NALF1: variants seen among roughly 807,000 people sequenced by gnomAD.
NALF1 encodes NALCN channel auxiliary factor 1.
Under a neutral mutation model 48.4 loss-of-function variants are expected in NALF1, and 3 were observed. That is an observed-to-expected ratio of 0.06 (90% CI 0.03 to 0.16). The LOEUF (loss-of-function observed/expected upper bound fraction) is 0.16, where lower values mean the gene tolerates loss of function less well. Among genes scored for constraint, NALF1 ranks in the 10% least tolerant of loss-of-function variants. The pLI is 1.00. For synonymous variants in NALF1, 262 were observed against 245.7 expected (o/e 1.07, Z -0.62); for missense variants, 526 against 571.5 (o/e 0.92, Z 0.81).
intron 1 of NALF1, among the ~76,000 whole-genome samples, chr13:107,624,571 G>A (rs1361665436): frequency 2.6e-5 from 4 of 152,110 alleles, no homozygotes; most frequent in South Asian, 2.1e-4. Context: ...AAAGTAAAAC[G>A]TATCATTTTA....
intron 1 of NALF1, among the ~76,000 whole-genome samples, chr13:107,640,024 G>A (rs1050377245): frequency 2.0e-5 from 3 of 151,878 alleles, no homozygotes; most frequent in Admixed American, 6.6e-5. Context: ...ATAAGATAAG[G>A]GCAAATCTTA....
At chr13:107,776,619 T>C (rs777337457) in intron 1 of NALF1, among the ~76,000 whole-genome samples, 2 of 152,212 alleles carry the variant, frequency 1.3e-5, no homozygotes, top group Non-Finnish European at 2.9e-5. Flanking sequence ...TACTGTGTGC[T>C]AGAAATCATG....
chr13:107,458,423 G>T (rs1054803589), intron 1 of NALF1, among the ~76,000 whole-genome samples: 2 of 152,158 alleles, frequency 1.3e-5, no homozygotes, highest in African/African-American at 4.8e-5. Flanking sequence ...GCAGAGGCAG[G>T]GGCCGCCTGA....
intron 1 of NALF1, among the ~76,000 whole-genome samples, chr13:107,710,966 C>T (rs74891670): frequency 6.6e-6 from 1 of 151,666 alleles, no homozygotes; most frequent in Non-Finnish European, 1.5e-5. Flanking sequence ...AGTTATGTAT[C>T]GATGAGTCTT....
rs575212770 is a variant in NALF1 at position 107,190,896 on chromosome 13, T to TG, written c.1087+19687dup. ...GAGCAGAAAGGTAGAGTTTGGGGGATGGGGTGTAGCTTCATTTGAAGAGGA... is the reference window on the plus strand; with the variant it reads ...GAGCAGAAAGGTAGAGTTTGGGGGATGGGGGTGTAGCTTCATTTGAAGAGGA... On this transcript the variant is annotated intron_variant, in intron 2 of 2. Transcript: ENST00000375915. Among the ~76,000 whole-genome samples the TG allele has an allele frequency of 3.0e-3, 457 of 152,222 alleles. 1 individual carries two copies. The highest frequency in any genetic ancestry group is 0.01 in the African/African-American group (430 of 41,546).
intron 1 of NALF1, among the ~76,000 whole-genome samples, chr13:107,227,207 C>T (rs1376804793): frequency 1.3e-5 from 2 of 152,300 alleles, no homozygotes; most frequent in East Asian, 3.9e-4. Context: ...ACCCGCATTT[C>T]GGCTGCCTTG....
intron 1 of NALF1, among the ~76,000 whole-genome samples, chr13:107,744,518 T>C (rs1014164037): frequency 3.9e-5 from 6 of 152,352 alleles, no homozygotes; most frequent in East Asian, 3.9e-4. Context: ...TTAACCATTA[T>C]AGAAAGAGGA....
Position 107,362,453 on chromosome 13 carries a change from C to A in NALF1, c.916-151698G>T, listed in dbSNP as rs190837456. On this transcript the variant is annotated intron_variant, in intron 1 of 2. Transcript: ENST00000375915. The surrounding 1 kb of genome is among the most constrained non-coding windows in gnomAD (Gnocchi z 4.6). ...CCTGACTTTGGAGGTATCAGGCAAT[C>A]GGTGACATCTCTTGATTTGCAGCTG... Among the ~76,000 whole-genome samples, 1 of 152,042 alleles carries A rather than the reference C, an allele frequency of 6.6e-6. No homozygotes were observed. Among genetic ancestry groups the A allele is most frequent in the African/African-American group, 2.4e-5 (1 of 41,392 alleles).
At chr13:107,699,835 C>T (rs1881779398) in intron 1 of NALF1, among the ~76,000 whole-genome samples, 1 of 151,914 alleles carries the variant, frequency 6.6e-6, no homozygotes, top group African/African-American at 2.4e-5. Flanking sequence ...GTTCAGAATA[C>T]AAAATCAACA....
At chr13:107,520,697 G>GACGAACTCTTCCCTGTGT (rs1876208119) in intron 1 of NALF1, among the ~76,000 whole-genome samples, 1 of 152,162 alleles carries the variant, frequency 6.6e-6, no homozygotes, top group South Asian at 2.1e-4. Context: ...GTCACTGGTG[G>GACGAACTCTTCCCTGTGT]ACGAACTCTT....
chr13:107,523,934 G>A (rs1029327717), intron 1 of NALF1, among the ~76,000 whole-genome samples: 2 of 152,002 alleles, frequency 1.3e-5, no homozygotes, highest in Non-Finnish European at 2.9e-5. Context: ...ATCAACAAAT[G>A]TAAATCTACA....
chr13:107,201,434 G>A (rs115509862), intron 2 of NALF1, among the ~76,000 whole-genome samples: 2,842 of 152,206 alleles, frequency 0.019, 110 homozygotes, highest in African/African-American at 0.064. Context: ...AAAACCAGCC[G>A]GACGTGGTGG....
intron 1 of NALF1, among the ~76,000 whole-genome samples, chr13:107,706,196 G>A (rs944810375): frequency 1.3e-5 from 2 of 152,124 alleles, no homozygotes; most frequent in Admixed American, 1.3e-4. Context: ...GTCAATCTTC[G>A]GTGGCAATAA....
chr13:107,368,202 A>G (rs7996075), intron 1 of NALF1, among the ~76,000 whole-genome samples: 19,142 of 152,226 alleles, frequency 0.13, 1,255 homozygotes, highest in East Asian at 0.21. Flanking sequence ...ATATGGCAGT[A>G]TGACTCTAAA....
chr13:107,324,642 CAT>C (rs1882316952), intron 1 of NALF1, among the ~76,000 whole-genome samples: 1 of 152,124 alleles, frequency 6.6e-6, no homozygotes, highest in Admixed American at 6.5e-5. Flanking sequence ...TGCATTGACT[CAT>C]AGAATGTTGC....
intron 2 of NALF1, among the ~76,000 whole-genome samples, chr13:107,172,587 TA>T (rs201848288): frequency 4.6e-5 from 7 of 151,472 alleles, no homozygotes; most frequent in African/African-American, 1.5e-4. Flanking sequence ...AGGTAGAATA[TA>T]AAAAAAAACT....
intron 1 of NALF1, among the ~76,000 whole-genome samples, chr13:107,226,030 G>A (rs1359849837): frequency 6.6e-6 from 1 of 151,974 alleles, no homozygotes; most frequent in Non-Finnish European, 1.5e-5. Context: ...TTAGAACTAT[G>A]GCTTCAATAG....
At chr13:107,627,251 TGAAAA>T (rs576610093) in intron 1 of NALF1, among the ~76,000 whole-genome samples, 101 of 152,238 alleles carry the variant, frequency 6.6e-4, no homozygotes, top group African/African-American at 2.4e-3. Flanking sequence ...AGTGTGATTT[TGAAAA>T]GAAAAGTATG....
At chr13:107,754,411 C>T (rs1181363818) in intron 1 of NALF1, among the ~76,000 whole-genome samples, 9 of 150,514 alleles carry the variant, frequency 6.0e-5, no homozygotes, top group South Asian at 2.1e-4. Flanking sequence ...TATATGGAAC[C>T]GCTGAACAAT....
Sources: allele counts gnomAD v4.1 joint callset (sites outside exome capture counted in the v4.1 genomes callset), GRCh38; gene constraint gnomAD v4.1.1; non-coding constraint Gnocchi (gnomAD v3.1); transcripts MANE v1.5; gene names NCBI Gene and HGNC (gene_info 2026-07-23, HGNC 2026-07-21).